Variants in AGL observed in about 807,000 individuals in gnomAD.
The protein encoded by AGL is amylo-alpha-1,6-glucosidase and 4-alpha-glucanotransferase.
AGL carries 128 observed loss-of-function variants against 199.3 expected under a neutral mutation model. The observed-to-expected ratio is 0.64, with a 90% CI of 0.56 to 0.74. The LOEUF (loss-of-function observed/expected upper bound fraction) is 0.74, where lower values mean the gene tolerates loss of function less well. Among genes scored for constraint, AGL ranks in the 30% least tolerant of loss-of-function variants. The pLI is 0.00. For missense variants in AGL, 1,809 were observed against 1,820.8 expected (o/e 0.99, Z 0.12); for synonymous variants, 584 against 594.7 (o/e 0.98, Z 0.26).
Position 99,874,806 on chromosome 1 carries a change from C to G in AGL, c.1078C>G (p.His360Asp). ...CATTGCACTAACGACTTTCATACCA[C>G]ATGAGTATGTAATGTGTTTTTTTCT... ...MNIALTTFIP[H>D]DKGPAAIEEC... Residue 360 changes from histidine (H) to aspartate (D), a missense_variant, in exon 8 of 34, where the codon CAT (histidine) becomes GAT (aspartate). His to Asp is a moderately conservative substitution (Grantham distance 81). Transcript: ENST00000361915. The G allele has an allele frequency of 6.2e-7, 1 of 1,613,472 alleles. No homozygotes were observed. The highest frequency in any genetic ancestry group is 8.5e-7 in the Non-Finnish European group (1 of 1,179,518).
intron 24 of AGL, among the ~76,000 whole-genome samples, chr1:99,895,451 A>G (rs1188549587): frequency 6.6e-6 from 1 of 152,210 alleles, no homozygotes; most frequent in Non-Finnish European, 1.5e-5. Flanking sequence ...TGTACAGAAT[A>G]TAACACTTTT....
chr1:99,904,852 A>G (rs1025077943), intron 27 of AGL, among the ~76,000 whole-genome samples: 1 of 151,894 alleles, frequency 6.6e-6, no homozygotes, highest in African/African-American at 2.4e-5. Flanking sequence ...TATTTATTTA[A>G]CCATTCATCC....
rs751326594 is a variant in AGL, at chr1:99,861,485, CAT to C, written c.83-17_83-16del. On this transcript the variant is annotated splice_polypyrimidine_tract_variant and intron_variant, in intron 2 of 33. Coordinates refer to ENST00000361915, the MANE Select transcript of AGL (RefSeq NM_000642.3). Reference sequence around the variant, plus strand: ...TTAAGTCCTACGATGAGTTTATTAACATGTGCTTTTTATTTAGGGTATGAGCT... The same window carrying C: ...TTAAGTCCTACGATGAGTTTATTAACGTGCTTTTTATTTAGGGTATGAGCT... The C allele has an allele frequency of 1.2e-5, 19 of 1,613,444 alleles. No individual in the cohort carries two copies. The highest frequency in any genetic ancestry group is 7.7e-5 in the South Asian group (7 of 91,044).
chr1:99,852,535 A>ATT, intron 2 of AGL: 3 of 586,018 alleles, frequency 5.1e-6, no homozygotes, highest in Non-Finnish European at 9.0e-6. Context: ...ATGCCCCGCT[A>ATT]ATTTTTTTTT....
chr1:99,888,661 A>C (rs1652644434), intron 21 of AGL, among the ~76,000 whole-genome samples: 1 of 152,182 alleles, frequency 6.6e-6, no homozygotes, highest in Admixed American at 6.5e-5. Context: ...TTGTAAGATG[A>C]GTTAAAGGAA....
chr1:99,914,091 C>T (rs182945687), intron 30 of AGL, among the ~76,000 whole-genome samples: 39 of 152,056 alleles, frequency 2.6e-4, no homozygotes, highest in African/African-American at 8.7e-4. Context: ...TGAGACCAGC[C>T]TGGATATCAT....
chr1:99,851,752 T>C (rs767601636), intron 2 of AGL, among the ~76,000 whole-genome samples: 1 of 152,226 alleles, frequency 6.6e-6, no homozygotes, highest in Admixed American at 6.5e-5. Flanking sequence ...TTTTATTTTC[T>C]TAGCCTTTGT....
chr1:99,862,238 G>A lies in AGL; in HGVS notation c.294-19G>A. ...TTCTATCACTGACTGAAAAGTTTTT[G>A]TTTTGTTTTTTCCCTTAGAAATGAG... On this transcript the variant is annotated intron_variant, in intron 3 of 33. Coordinates refer to ENST00000361915, the MANE Select transcript of AGL (RefSeq NM_000642.3). The A allele has an allele frequency of 6.2e-7, 1 of 1,613,660 alleles. No homozygotes were observed. The highest frequency in any genetic ancestry group is 8.5e-7 in the Non-Finnish European group (1 of 1,179,786).
intron 2 of AGL, chr1:99,861,123 A>C: frequency 9.6e-7 from 1 of 1,040,498 alleles, no homozygotes; most frequent in Non-Finnish European, 1.2e-6. Flanking sequence ...TTGCAGTTAG[A>C]AAAATACTAG....
chr1:99,890,171 T>C (rs954709835), intron 21 of AGL, among the ~76,000 whole-genome samples: 3 of 152,214 alleles, frequency 2.0e-5, no homozygotes, highest in South Asian at 2.1e-4. Flanking sequence ...CTAAGTCCTA[T>C]ATACAAAACC....
In AGL at chr1:99,891,434, A is replaced by G; in HGVS notation, c.2949+78A>G. 6.4e-6 allele frequency: 10 copies of G among 1,550,700 alleles called. No individual in the cohort carries two copies. The South Asian group carries it at 6.8e-5, about 11-fold the overall frequency. On this transcript the variant is annotated intron_variant, in intron 22 of 33. Coordinates refer to ENST00000361915, the MANE Select transcript of AGL (RefSeq NM_000642.3). ...TTACCATGTTATATATAATATTTAC[A>G]TTGTTTTCTAACCTGAACCATTTTC... is the stretch of plus-strand genomic sequence containing the variant.
intron 21 of AGL, among the ~76,000 whole-genome samples, chr1:99,888,480 G>A (rs1485311277): frequency 6.6e-6 from 1 of 152,034 alleles, no homozygotes; most frequent in African/African-American, 2.4e-5. Flanking sequence ...CTTGATTAAT[G>A]TTTCTTGACC....
intron 2 of AGL, among the ~76,000 whole-genome samples, chr1:99,854,829 T>G (rs1424293078): frequency 1.3e-5 from 2 of 151,436 alleles, no homozygotes; most frequent in African/African-American, 4.9e-5. Flanking sequence ...GAAGGGACAT[T>G]GGAGACAAGA....
chr1:99,886,477 C>A (rs1431055075), intron 20 of AGL, among the ~76,000 whole-genome samples: 2 of 128,912 alleles, frequency 1.6e-5, no homozygotes, highest in African/African-American at 5.5e-5. Context: ...AGAGCAAGAC[C>A]CTGTCTCTAG....
At chr1:99,888,864 TTAAC>T (rs1397574702) in intron 21 of AGL, among the ~76,000 whole-genome samples, 2 of 152,204 alleles carry the variant, frequency 1.3e-5, no homozygotes, top group Non-Finnish European at 2.9e-5. Context: ...AAAACCTTCT[TTAAC>T]TATTGCTTTT....
At chr1:99,912,379 A>C in intron 28 of AGL, 26 bp from the exon 29 acceptor site, 1 of 1,589,534 alleles carries the variant, frequency 6.3e-7, no homozygotes. Flanking sequence ...CAACTTAAAG[A>C]ATAAAAATAC....
In AGL at chr1:99,900,728, A is replaced by T; in HGVS notation, c.3455A>T (p.Asp1152Val). 1 of 1,614,124 alleles carries T rather than the reference A, an allele frequency of 6.2e-7. No homozygotes were observed. The highest frequency in any genetic ancestry group is 8.5e-7 in the Non-Finnish European group (1 of 1,180,014). ...ATTTATGCCAGATACAATTGTCGGG[A>T]TGCTGTGTGGTGGTGGCTGCAGTGT... is the stretch of plus-strand genomic sequence containing the variant. ...EGIYARYNCR[D>V]AVWWWLQCIQ... The change falls in exon 26 of 34, where the codon GAT becomes GTT. Residue 1152 changes from aspartate (D) to valine (V), a missense_variant. Asp to Val is a radical substitution (Grantham distance 152, BLOSUM62 -3). Coordinates refer to ENST00000361915, the MANE Select transcript of AGL (RefSeq NM_000642.3).
In AGL at chr1:99,880,269, A is replaced by G. The variant is rs11166364; in HGVS notation, c.1735+223A>G. Among the ~76,000 whole-genome samples, 3,434 of 152,346 alleles carry G rather than the reference A, an allele frequency of 0.023. 58 individuals carry two copies. Among genetic ancestry groups the G allele is most frequent in the Middle Eastern group, 0.061 (18 of 294 alleles). On this transcript the variant is annotated intron_variant, in intron 13 of 33. Coordinates refer to ENST00000361915, the MANE Select transcript of AGL (RefSeq NM_000642.3). ...CATTTCAAATTGAAAGACCAGTAGGATGAACTGAAGACTCACTAACAAAAC... is the reference window on the plus strand; with the variant it reads ...CATTTCAAATTGAAAGACCAGTAGGGTGAACTGAAGACTCACTAACAAAAC...
At chr1:99,905,372 TTTGTTGTTGTTG>T (rs150259594) in intron 27 of AGL, among the ~76,000 whole-genome samples, 18 of 151,014 alleles carry the variant, frequency 1.2e-4, no homozygotes, top group East Asian at 3.9e-4. Context: ...ATTTTTTGTA[TTTGTTGTTGTTG>T]TTGTTGTTGT....
Sources: allele counts gnomAD v4.1 joint callset (sites outside exome capture counted in the v4.1 genomes callset), GRCh38; gene constraint gnomAD v4.1.1; transcripts MANE v1.5; gene names NCBI Gene and HGNC (gene_info 2026-07-23, HGNC 2026-07-21).